The following STARD9 variants were observed in gnomAD, a reference collection of about 807,000 sequenced individuals.
STARD9 encodes stAR-related lipid transfer protein 9.
In STARD9, 346 loss-of-function variants were observed where a neutral mutation model predicts 399.8. The observed-to-expected ratio is 0.87, with a 90% CI of 0.79 to 0.95. The LOEUF (loss-of-function observed/expected upper bound fraction) is 0.95. Among genes scored for constraint, STARD9 ranks in the 40% least tolerant of loss-of-function variants. The pLI is 0.00. For missense variants in STARD9, 5,832 were observed against 5,667.5 expected (o/e 1.03, Z -0.93); for synonymous variants, 2,203 against 2,143.5 (o/e 1.03, Z -0.77).
Position 42,685,851 on chromosome 15 carries a change from C to G in STARD9, c.4273C>G (p.Leu1425Val). ...ASAADTSRLS[L>V]WGIQRLIQPG... ...TGCTGCTGATACGTCTAGGCTGTCTCTCTGGGGAATTCAAAGGCTTATTCA... is the reference window on the plus strand; with the variant it reads ...TGCTGCTGATACGTCTAGGCTGTCTGTCTGGGGAATTCAAAGGCTTATTCA... The change falls in exon 23 of 33, where the codon CTC becomes GTC. Residue 1425 changes from leucine to valine, a missense_variant. Around this residue, in one of 2 missense-constraint regions of STARD9, gnomAD observed 5,828 missense variants for 5,651.1 expected, o/e 1.03. Transcript: ENST00000290607. 6.5e-7 allele frequency: 1 copy of G among 1,537,164 alleles called. No individual in the cohort carries two copies. The highest frequency in any genetic ancestry group is 8.7e-7 in the Non-Finnish European group (1 of 1,146,932).
chr15:42,708,349 A>G (rs775072309), intron 26 of STARD9, among the ~76,000 whole-genome samples: 1 of 152,220 alleles, frequency 6.6e-6, no homozygotes, highest in Non-Finnish European at 1.5e-5. Flanking sequence ...TTGTAAATAA[A>G]GTTTTACCGG....
intron 3 of STARD9, among the ~76,000 whole-genome samples, chr15:42,596,000 C>T (rs1374412206): frequency 6.6e-6 from 1 of 152,204 alleles, no homozygotes; most frequent in Non-Finnish European, 1.5e-5. Flanking sequence ...ATCTGAAAGA[C>T]AGAGATTCTT....
chr15:42,667,862 C>G (rs762038406), intron 15 of STARD9, among the ~76,000 whole-genome samples: 4 of 152,216 alleles, frequency 2.6e-5, no homozygotes, highest in Non-Finnish European at 5.9e-5. Context: ...TTAAAGTATC[C>G]TGGCCATGTT....
At chr15:42,616,815 C>G (rs1269784900) in intron 3 of STARD9, among the ~76,000 whole-genome samples, 2 of 149,152 alleles carry the variant, frequency 1.3e-5, no homozygotes, top group East Asian at 3.9e-4. Context: ...GGCACGAACC[C>G]AGGAGGCAGA....
rs1396693572 is a variant in STARD9 at position 42,688,132 on chromosome 15, G to A, written c.6554G>A (p.Gly2185Glu). Residue 2185 changes from glycine to glutamate, a missense_variant, in exon 23 of 33, where the codon GGG becomes GAG. Physicochemically the swap from Gly to Glu is moderately conservative, Grantham distance 98 (BLOSUM62 -2). Around this residue, in one of 2 missense-constraint regions of STARD9, gnomAD observed 5,828 missense variants for 5,651.1 expected, o/e 1.03. Coordinates refer to ENST00000290607, the MANE Select transcript of STARD9 (RefSeq NM_020759.3). ...GCCAGGGATATTTGTGATTCTTTAG[G>A]GAAACACACAACTTGCAGAGAGTTC... ...RPARDICDSLGKHTTCREFTN... is the reference protein window; with the variant it reads ...RPARDICDSLEKHTTCREFTN... 2.0e-6 allele frequency: 3 copies of A among 1,537,116 alleles called. No homozygotes were observed. The African/African-American group carries it at 4.1e-5, about 21-fold the overall frequency.
At position 42,687,247 on chromosome 15, in the gene STARD9, C is replaced by T. The variant is rs1224679882; in HGVS notation, c.5669C>T (p.Thr1890Ile). The T allele has an allele frequency of 2.9e-5, 44 of 1,536,948 alleles. No individual in the cohort carries two copies. Among genetic ancestry groups the T allele is most frequent in the Non-Finnish European group, 3.7e-5 (42 of 1,146,962 alleles). The change falls in exon 23 of 33, where the codon ACT becomes ATT. Residue 1890 changes from threonine (T) to isoleucine (I), a missense_variant. By Grantham distance (89) the Thr-to-Ile change is moderately conservative. This residue lies in a region of STARD9 where 5,828 missense variants were observed against 5,651.1 expected (regional missense o/e 1.03). Transcript: ENST00000290607. ...SFPALEGGEV[T>I]AQSCCGASSD... ...CCAGCACTTGAGGGAGGAGAGGTCA[C>T]TGCTCAGTCCTGTTGCGGTGCTTCC...
At chr15:42,598,038 G>GTGTA (rs1360671654) in intron 3 of STARD9, among the ~76,000 whole-genome samples, 3 of 148,496 alleles carry the variant, frequency 2.0e-5, no homozygotes, top group Non-Finnish European at 3.0e-5. Flanking sequence ...GTGTGTGTGT[G>GTGTA]TGTATGTGTT....
Position 42,684,271 on chromosome 15 carries a change from C to G in STARD9, c.2693C>G (p.Ser898Ter), listed in dbSNP as rs965102866. Residue 898 changes from serine (S) to a stop codon, truncating the protein, a stop_gained, in exon 23 of 33, where the codon TCA becomes TGA. Transcript: ENST00000290607. LOFTEE classifies it high-confidence loss of function. ...CTCCGCAAGAACGGCCTGCATTCCT[C>G]AGGTCATGGGCAGCCCTGCACAGCC... ...GCLRKNGLHS[S>*]GHGQPCTARA... 6.5e-7 allele frequency: 1 copy of G among 1,537,126 alleles called. No individual in the cohort carries two copies. The highest frequency in any genetic ancestry group is 1.4e-5 in the African/African-American group (1 of 73,066).
chr15:42,688,086 C>G lies in STARD9; in HGVS notation c.6508C>G (p.Pro2170Ala). ...TGAACCTGTGAGAGAGCACACCCACCCAGCTGGATCGGACAGACCTGCCAG... is the reference window on the plus strand; with the variant it reads ...TGAACCTGTGAGAGAGCACACCCACGCAGCTGGATCGGACAGACCTGCCAG... ...ESEPVREHTH[P>A]AGSDRPARDI... is the part of the protein sequence containing the mutation. The change falls in exon 23 of 33, where the codon CCA (proline) becomes GCA (alanine). Residue 2170 changes from proline to alanine, a missense_variant. Transcript: ENST00000290607. The G allele has an allele frequency of 2.6e-6, 4 of 1,537,322 alleles. No homozygotes were observed. Among genetic ancestry groups the G allele is most frequent in the Non-Finnish European group, 3.5e-6 (4 of 1,146,942 alleles).
In STARD9 at chr15:42,634,900, A is replaced by G. The variant is rs534934951; in HGVS notation, c.279A>G (p.Lys93=). Residue 93 remains lysine (K), a synonymous_variant, in exon 4 of 33, where the codon AAA becomes AAG. Transcript: ENST00000290607. ...LGMEVLSGVA[K]GYNICLFAYG... is the part of the protein sequence containing the mutation. The stretch of plus-strand genomic sequence containing the variant: ...TGGAAGTACTGTCTGGAGTTGCCAA[A>G]GGCTATAACATATGCCTTTTTGCTT... 69 of 1,536,524 alleles carry G rather than the reference A, an allele frequency of 4.5e-5. No individual in the cohort carries two copies. The African/African-American group carries it at 9.2e-4, about 20-fold the overall frequency.
At chr15:42,637,855 G>T in intron 4 of STARD9, 52 bp from the exon 5 acceptor site, 1 of 1,527,048 alleles carries the variant, frequency 6.5e-7, no homozygotes, top group South Asian at 1.2e-5. Context: ...TTCTGTGGGG[G>T]AGAGCATCAT....
In STARD9 at chr15:42,688,531, G is replaced by A; in HGVS notation, c.6953G>A (p.Ser2318Asn). 6.5e-7 allele frequency: 1 copy of A among 1,537,876 alleles called. No individual in the cohort carries two copies. Among genetic ancestry groups the A allele is most frequent in the Non-Finnish European group, 8.7e-7 (1 of 1,147,050 alleles). ...CAGGAAACTGTCAGCCCATTACTAAGCCGGACAGAATTCTGTACAGCTCCT... is the reference window on the plus strand; with the variant it reads ...CAGGAAACTGTCAGCCCATTACTAAACCGGACAGAATTCTGTACAGCTCCT... ...FRQETVSPLL[S>N]RTEFCTAPLH... Residue 2318 changes from serine to asparagine, a missense_variant, in exon 23 of 33, where the codon AGC becomes AAC. Physicochemically the swap from Ser to Asn is conservative, Grantham distance 46. This residue lies in a region of STARD9 where 5,828 missense variants were observed against 5,651.1 expected (regional missense o/e 1.03). Transcript: ENST00000290607.
At chr15:42,700,648 T>C (rs1217500138) in intron 26 of STARD9, among the ~76,000 whole-genome samples, 1 of 152,210 alleles carries the variant, frequency 6.6e-6, no homozygotes, top group Non-Finnish European at 1.5e-5. Flanking sequence ...TTGCTATTAT[T>C]TGAATTCCTT....
intron 26 of STARD9, among the ~76,000 whole-genome samples, chr15:42,699,392 C>CTTTTCTTTTTT (rs1359323091): frequency 1.8e-5 from 2 of 113,278 alleles, no homozygotes; most frequent in African/African-American, 8.2e-5. Context: ...TTTTTCTTTT[C>CTTTTCTTTTTT]TTTTTTTTTT....
chr15:42,631,818 ATTT>A (rs35400362), intron 3 of STARD9, among the ~76,000 whole-genome samples: 1 of 149,776 alleles, frequency 6.7e-6, no homozygotes, highest in Non-Finnish European at 1.5e-5. Flanking sequence ...TTTCAGGAAG[ATTT>A]TTTTTTTAAA....
chr15:42,689,785 T>A lies in STARD9; in HGVS notation c.8207T>A (p.Val2736Glu), dbSNP rs1335490513. 3.3e-6 allele frequency: 5 copies of A among 1,537,472 alleles called. No individual in the cohort carries two copies. In the South Asian group the frequency reaches 5.9e-5, roughly 18 times the overall value. Reference protein sequence around the residue: ...SAPVEEVRRVVSKKVVAALPS... With the variant: ...SAPVEEVRRVESKKVVAALPS... ...CCTGTGGAGGAGGTCAGGAGGGTAG[T>A]ATCAAAGAAGGTAGTGGCTGCCTTA... The change falls in exon 23 of 33, where the codon GTA (valine) becomes GAA (glutamate). Residue 2736 changes from valine (V) to glutamate (E), a missense_variant. By Grantham distance (121) the Val-to-Glu change is moderately radical. Transcript: ENST00000290607.
intron 9 of STARD9, among the ~76,000 whole-genome samples, chr15:42,657,762 G>A (rs138751669): frequency 7.2e-5 from 11 of 152,290 alleles, no homozygotes; most frequent in Admixed American, 3.9e-4. Context: ...AAGATAGTGT[G>A]GTGTTAGTGT....
rs1595708086 is a variant in STARD9 at position 42,650,932 on chromosome 15, G to A, written c.560-84G>A. The A allele has an allele frequency of 6.7e-6, 6 of 900,450 alleles. No homozygotes were observed. The East Asian group carries it at 1.4e-4, about 22-fold the overall frequency. The allele number at this position is 900,450 out of a possible 1,614,324, so 55.8% of individuals were successfully genotyped here. On this transcript the variant is annotated intron_variant, in intron 7 of 32. Coordinates refer to ENST00000290607, the MANE Select transcript of STARD9 (RefSeq NM_020759.3). ...TTTGTCTATTAAACAATATGAAATA[G>A]GAATGATAAAGACTTACAAGAAAAG...
intron 3 of STARD9, among the ~76,000 whole-genome samples, chr15:42,592,737 C>T (rs929455794): frequency 1.3e-5 from 2 of 152,232 alleles, no homozygotes; most frequent in African/African-American, 4.8e-5. Context: ...AGCCACCACA[C>T]CCAGCCAGCT....
Sources: gnomAD v4.1 joint callset for allele counts (sites outside exome capture counted in the v4.1 genomes callset) on GRCh38, gnomAD v4.1.1 for gene constraint, gnomAD v4.1.1 regional missense constraint, MANE v1.5 for transcripts, NCBI Gene and HGNC (gene_info 2026-07-23, HGNC 2026-07-21) for gene names.